The following CALN1 variants were observed in gnomAD, a reference collection of about 807,000 sequenced individuals.
The protein encoded by CALN1 is calcium-binding protein 8.
In CALN1, 17 loss-of-function variants were observed where a neutral mutation model predicts 30.6. The observed-to-expected ratio is 0.56, with a 90% CI of 0.38 to 0.83. The LOEUF (loss-of-function observed/expected upper bound fraction) is 0.83, where lower values mean the gene tolerates loss of function less well. Ranked by LOEUF, CALN1 falls within the 40% of genes least tolerant of loss-of-function variation. The probability of loss-of-function intolerance (pLI) is 0.00; values close to 1 mark genes in which losing one functional copy is unlikely to be tolerated. For synonymous variants in CALN1, 156 were observed against 131.4 expected (o/e 1.19, Z -1.28); for missense variants, 291 against 354.9 (o/e 0.82, Z 1.45).
chr7:71,872,947 G>T (rs2116749096), intron 5 of CALN1, among the ~76,000 whole-genome samples: 1 of 151,038 alleles, frequency 6.6e-6, no homozygotes, highest in East Asian at 1.9e-4. Context: ...GACTGGGTAA[G>T]GTTTGAAGGT....
intron 5 of CALN1, among the ~76,000 whole-genome samples, chr7:71,988,771 G>A (rs1354934965): frequency 6.6e-6 from 1 of 152,102 alleles, no homozygotes; most frequent in African/African-American, 2.4e-5. Context: ...CTGTTTCCAT[G>A]TAGAGCACTA....
rs536318239 is a variant in CALN1 at position 71,831,116 on chromosome 7, C to T, written c.502-20624G>A. On this transcript the variant is annotated intron_variant, in intron 5 of 6. Transcript: ENST00000395275. ...GATGGATTCTGCCACTAACTAGTTG[C>T]GTACCCTGAAGCAGGTCATTTAATG... 1.1e-4 allele frequency among the ~76,000 whole-genome samples: 17 copies of T among 152,226 alleles called. No individual in the cohort carries two copies. The South Asian group carries it at 2.5e-3, about 22-fold the overall frequency.
At chr7:72,178,858 T>G (rs1585101176) in intron 3 of CALN1, among the ~76,000 whole-genome samples, 1 of 152,334 alleles carries the variant, frequency 6.6e-6, no homozygotes, top group Non-Finnish European at 1.5e-5. Context: ...TTTGAAATGC[T>G]TTGTTCTTGT....
At chr7:72,093,573 T>C (rs538192447) in intron 4 of CALN1, among the ~76,000 whole-genome samples, 8 of 152,200 alleles carry the variant, frequency 5.3e-5, no homozygotes, top group Admixed American at 2.0e-4. Context: ...TTATTTAAAG[T>C]AAGGCTTTGG....
rs143796909 is a variant in CALN1, at chr7:72,386,006, A to C, written c.119+17245T>G. Among the ~76,000 whole-genome samples the C allele has an allele frequency of 8.0e-3, 1,213 of 152,274 alleles. 7 individuals carry two copies. The highest frequency in any genetic ancestry group is 0.012 in the Non-Finnish European group (791 of 68,030). On this transcript the variant is annotated intron_variant, in intron 2 of 6. Transcript: ENST00000395275. Reference sequence around the variant, plus strand: ...GATTGATCTTAAATTCATATATGTAAGTGAGAGAAGCCAGTTTGAAAAGGC... The same window carrying C: ...GATTGATCTTAAATTCATATATGTACGTGAGAGAAGCCAGTTTGAAAAGGC...
chr7:72,239,318 A>C (rs1794687853), intron 3 of CALN1, among the ~76,000 whole-genome samples: 1 of 152,070 alleles, frequency 6.6e-6, no homozygotes, highest in African/African-American at 2.4e-5. Flanking sequence ...GGATCACTTG[A>C]GCTCAGGAGT....
rs150114995 is a variant in CALN1, at chr7:72,043,650, G to T, written c.389-19881C>A. ...GCCAGGCATGATGTCACTATGCTTT[G>T]GTCCCAGCCACTCTGGAGGTCGAGG... is the stretch of plus-strand genomic sequence containing the variant. On this transcript the variant is annotated intron_variant, in intron 4 of 6. Coordinates refer to ENST00000395275, the MANE Select transcript of CALN1 (RefSeq NM_031468.4). 1.8e-3 allele frequency among the ~76,000 whole-genome samples: 281 copies of T among 152,160 alleles called. 1 individual carries two copies. The highest frequency in any genetic ancestry group is 6.3e-3 in the African/African-American group (263 of 41,514).
In CALN1 at chr7:71,938,631, C is replaced by T. The variant is rs536785247; in HGVS notation, c.501+85026G>A. On this transcript the variant is annotated intron_variant, in intron 5 of 6. Transcript: ENST00000395275. ...CCAACATGGTGAAACCCCGTCTCTACTAAAAATACAAAAATTAGCTGGGCG... is the reference window on the plus strand; with the variant it reads ...CCAACATGGTGAAACCCCGTCTCTATTAAAAATACAAAAATTAGCTGGGCG... Among the ~76,000 whole-genome samples the T allele has an allele frequency of 1.0e-3, 156 of 152,130 alleles. No individual in the cohort carries two copies. In the Middle Eastern group the frequency reaches 0.017, roughly 17 times the overall value.
At chr7:72,210,300 C>T (rs573213319) in intron 3 of CALN1, among the ~76,000 whole-genome samples, 3 of 152,192 alleles carry the variant, frequency 2.0e-5, no homozygotes, top group African/African-American at 2.4e-5. Flanking sequence ...CTCCATCCCT[C>T]GGGAGTGTTG....
At chr7:72,172,992 T>C (rs993930171) in intron 3 of CALN1, among the ~76,000 whole-genome samples, 1 of 151,272 alleles carries the variant, frequency 6.6e-6, no homozygotes, top group African/African-American at 2.4e-5. Context: ...ATAAATATCT[T>C]TTTTTTTTGA....
intron 2 of CALN1, among the ~76,000 whole-genome samples, chr7:72,397,511 G>A (rs916290379): frequency 2.6e-5 from 4 of 152,168 alleles, no homozygotes; most frequent in African/African-American, 9.7e-5. Context: ...TAAGCTGCTA[G>A]GGAATTCCAG....
intron 1 of CALN1, among the ~76,000 whole-genome samples, chr7:72,418,137 C>T (rs1231241654): frequency 1.3e-5 from 2 of 151,198 alleles, no homozygotes; most frequent in African/African-American, 4.9e-5. Context: ...TCTCTAGTAG[C>T]CCCCAGTGTC....
At chr7:72,031,226 G>T (rs1054085884) in intron 4 of CALN1, among the ~76,000 whole-genome samples, 3 of 152,186 alleles carry the variant, frequency 2.0e-5, no homozygotes, top group African/African-American at 7.2e-5. Flanking sequence ...TACCAAGCGA[G>T]TGCTATGGCG....
chr7:72,271,808 A>C (rs1305759060), intron 3 of CALN1, among the ~76,000 whole-genome samples: 1 of 151,654 alleles, frequency 6.6e-6, no homozygotes, highest in Non-Finnish European at 1.5e-5. Context: ...CATGCCTATA[A>C]TCCCAGCACT....
chr7:72,376,666 A>T (rs374609674), intron 2 of CALN1, among the ~76,000 whole-genome samples: 1 of 151,768 alleles, frequency 6.6e-6, no homozygotes, highest in Non-Finnish European at 1.5e-5. Context: ...TTATCTTTTC[A>T]CTTTCTTGAT....
intron 4 of CALN1, among the ~76,000 whole-genome samples, chr7:72,096,092 AAGAT>A (rs71531789): frequency 1.2e-4 from 15 of 121,778 alleles, no homozygotes; most frequent in African/African-American, 2.4e-4. Context: ...TAGATAGATA[AAGAT>A]AGATAGATAG....
intron 5 of CALN1, among the ~76,000 whole-genome samples, chr7:71,848,678 T>C (rs188811642): frequency 1.3e-5 from 2 of 151,940 alleles, no homozygotes; most frequent in East Asian, 3.9e-4. Context: ...AATTGAAGAC[T>C]GGGATAGAAT....
chr7:72,005,360 G>A (rs1291101809), intron 5 of CALN1, among the ~76,000 whole-genome samples: 8 of 152,104 alleles, frequency 5.3e-5, no homozygotes, highest in African/African-American at 1.4e-4. Context: ...ACAGGGTCTC[G>A]CTCTTTCACC....
chr7:71,933,191 C>T (rs1049122789), intron 5 of CALN1, among the ~76,000 whole-genome samples: 1 of 152,014 alleles, frequency 6.6e-6, no homozygotes, highest in Non-Finnish European at 1.5e-5. Context: ...CTTTGCCAGC[C>T]GTATGTACAG....
Sources: allele counts gnomAD v4.1 joint callset (sites outside exome capture counted in the v4.1 genomes callset), GRCh38; gene constraint gnomAD v4.1.1; transcripts MANE v1.5; gene names NCBI Gene and HGNC (gene_info 2026-07-23, HGNC 2026-07-21).